Variants in RIN2 observed in about 807,000 individuals in gnomAD.
RIN2 encodes the protein Ras and Rab interactor 2.
In RIN2, 36 loss-of-function variants were observed where a neutral mutation model predicts 78.0. That is an observed-to-expected ratio of 0.46 (90% CI 0.35 to 0.61). The LOEUF (loss-of-function observed/expected upper bound fraction) is 0.61. Among genes scored for constraint, RIN2 ranks in the 20% least tolerant of loss-of-function variants. The pLI, the probability that RIN2 is intolerant of heterozygous loss-of-function variation, is 0.00. For missense variants in RIN2, 1,087 were observed against 1,159.7 expected (o/e 0.94, Z 0.91); for synonymous variants, 466 against 466.8 (o/e 1.00, Z 0.02).
At chr20:19,964,259 T>C (rs1448727202) in intron 6 of RIN2, among the ~76,000 whole-genome samples, 1 of 150,480 alleles carries the variant, frequency 6.6e-6, no homozygotes, top group African/African-American at 2.5e-5. Flanking sequence ...ATCTTTGTTT[T>C]AAAAAAAAGT....
At chr20:19,781,595 T>C (rs1259880151) in intron 1 of RIN2, among the ~76,000 whole-genome samples, 3 of 152,112 alleles carry the variant, frequency 2.0e-5, no homozygotes, top group East Asian at 3.9e-4. Context: ...AGCTGGCTAA[T>C]TTTTATATTT....
chr20:19,844,252 AC>A (rs1423447134), intron 2 of RIN2, among the ~76,000 whole-genome samples: 2 of 152,338 alleles, frequency 1.3e-5, no homozygotes, highest in Middle Eastern at 3.4e-3. Flanking sequence ...GGATAAAAAA[AC>A]ATCACTTGCC....
Position 19,974,941 on chromosome 20 carries a change from T to TCCCC in RIN2, c.920_923dup (p.Arg310ThrfsTer9). ...CGCGAATGGCACGGAGCGGACTCGG[T>TCCCC]CCCCCCCACCCAGGCCCCCGCCACC... On this transcript the variant is annotated frameshift_variant, in exon 9 of 13. Transcript: ENST00000255006. LOFTEE classifies it high-confidence loss of function. The TCCCC allele has an allele frequency of 3.2e-6, 5 of 1,571,234 alleles. No homozygotes were observed. Among genetic ancestry groups the TCCCC allele is most frequent in the Non-Finnish European group, 3.5e-6 (4 of 1,144,066 alleles).
intron 2 of RIN2, chr20:19,886,853 T>G: frequency 2.5e-6 from 2 of 784,514 alleles, no homozygotes; most frequent in Non-Finnish European, 4.1e-6. Context: ...GTGACATCTG[T>G]GGGGAGGCAT....
At chr20:19,847,724 T>C (rs1006931848) in intron 2 of RIN2, among the ~76,000 whole-genome samples, 2 of 152,228 alleles carry the variant, frequency 1.3e-5, no homozygotes, top group African/African-American at 4.8e-5. Context: ...ATTTTAGATA[T>C]ATTGGGAAAT....
intron 4 of RIN2, among the ~76,000 whole-genome samples, chr20:19,942,132 A>C (rs1390859275): frequency 1.3e-5 from 2 of 152,078 alleles, no homozygotes; most frequent in African/African-American, 4.8e-5. Context: ...AGAAAGAGAA[A>C]GTATTTATTC....
intron 3 of RIN2, among the ~76,000 whole-genome samples, chr20:19,924,386 A>AC (rs1281790328): frequency 1.8e-4 from 3 of 16,268 alleles, no homozygotes; most frequent in Non-Finnish European, 2.9e-4. Context: ...TCACCTTCGT[A>AC]CCCCACCTCT....
At chr20:19,971,829 C>G (rs1189554690) in intron 8 of RIN2, among the ~76,000 whole-genome samples, 1 of 143,586 alleles carries the variant, frequency 7.0e-6, no homozygotes, top group Non-Finnish European at 1.5e-5. Flanking sequence ...GCAGCTTCTG[C>G]CTCCCAGGTT....
At chr20:19,851,820 T>G (rs1377655883) in intron 2 of RIN2, among the ~76,000 whole-genome samples, 1 of 152,146 alleles carries the variant, frequency 6.6e-6, no homozygotes, top group Non-Finnish European at 1.5e-5. Flanking sequence ...ATTAGTTAGC[T>G]ATAGTCCCAG....
At chr20:19,773,644 C>T (rs2034213101) in intron 1 of RIN2, among the ~76,000 whole-genome samples, 1 of 151,996 alleles carries the variant, frequency 6.6e-6, no homozygotes, top group Admixed American at 6.6e-5. Flanking sequence ...TTAGACCACC[C>T]TGACTGGTTT....
intron 2 of RIN2, among the ~76,000 whole-genome samples, chr20:19,847,448 A>C (rs2036821026): frequency 6.6e-6 from 1 of 152,210 alleles, no homozygotes; most frequent in South Asian, 2.1e-4. Flanking sequence ...ACGTGCATGC[A>C]GTTAAAAGGG....
intron 3 of RIN2, 102 bp from the exon 4 acceptor site, chr20:19,934,997 T>G: frequency 3.0e-6 from 2 of 655,746 alleles, no homozygotes; most frequent in Admixed American, 3.3e-5. Context: ...TAGAAAAAGA[T>G]GGTCATCTCT....
chr20:19,969,240 A>T (rs911642471), intron 7 of RIN2, among the ~76,000 whole-genome samples: 1 of 152,140 alleles, frequency 6.6e-6, no homozygotes, highest in Non-Finnish European at 1.5e-5. Context: ...GTTTGGTATC[A>T]TTATTCTCGT....
Position 19,975,391 on chromosome 20 carries a change from G to A in RIN2, c.1366G>A (p.Asp456Asn). 6.2e-7 allele frequency: 1 copy of A among 1,614,040 alleles called. No individual in the cohort carries two copies. Among genetic ancestry groups the A allele is most frequent in the Non-Finnish European group, 8.5e-7 (1 of 1,179,874 alleles). ...RSMPLFGYEA[D>N]TNSSLEDYEG... ...CATGCCTCTGTTTGGCTACGAGGCG[G>A]ACACCAACAGCAGCCTGGAGGACTA... is the stretch of plus-strand genomic sequence containing the variant. Residue 456 changes from aspartate to asparagine, a missense_variant, in exon 9 of 13, where the codon GAC becomes AAC. Transcript: ENST00000255006. This position sits in a 1 kb window ranked among gnomAD's most constrained non-coding sequence, Gnocchi z 4.9.
intron 3 of RIN2, among the ~76,000 whole-genome samples, chr20:19,896,345 C>T (rs1440115588): frequency 6.6e-6 from 1 of 152,142 alleles, no homozygotes; most frequent in Non-Finnish European, 1.5e-5. Flanking sequence ...TGCGCCACCA[C>T]ACCCAGCTAA....
chr20:19,969,427 C>T (rs2042036980), intron 7 of RIN2, among the ~76,000 whole-genome samples: 1 of 152,144 alleles, frequency 6.6e-6, no homozygotes, highest in South Asian at 2.1e-4. Flanking sequence ...GGTCCTTCCC[C>T]TCATGATTTA....
chr20:19,909,470 A>G (rs2039366974), intron 3 of RIN2, among the ~76,000 whole-genome samples: 2 of 152,190 alleles, frequency 1.3e-5, no homozygotes, highest in South Asian at 4.1e-4. Flanking sequence ...TGGAACTTTC[A>G]ACAGCCAAGT....
chr20:19,930,885 A>G (rs1353555717), intron 3 of RIN2, among the ~76,000 whole-genome samples: 1 of 152,156 alleles, frequency 6.6e-6, no homozygotes, highest in Non-Finnish European at 1.5e-5. Context: ...CATACAGAAA[A>G]CCACACACCA....
At chr20:19,830,050 C>T (rs2036206154) in intron 2 of RIN2, among the ~76,000 whole-genome samples, 1 of 152,204 alleles carries the variant, frequency 6.6e-6, no homozygotes, top group Non-Finnish European at 1.5e-5. Context: ...CTGAACGACA[C>T]TATCAAAATA....
Sources: gnomAD v4.1 joint callset for allele counts (sites outside exome capture counted in the v4.1 genomes callset) on GRCh38, gnomAD v4.1.1 for gene constraint, Gnocchi (gnomAD v3.1) non-coding constraint, MANE v1.5 for transcripts, NCBI Gene and HGNC (gene_info 2026-07-23, HGNC 2026-07-21) for gene names.